Variants in AHRR observed in about 807,000 individuals in gnomAD.
AHRR encodes ahR repressor.
AHRR carries 28 observed loss-of-function variants against 44.0 expected under a neutral mutation model. The ratio of observed to expected loss-of-function variants is 0.64; its 90% CI spans 0.47 to 0.87. The LOEUF (loss-of-function observed/expected upper bound fraction) is 0.87. AHRR is among the 40% of genes least tolerant of loss of function. The pLI, the probability that AHRR is intolerant of heterozygous loss-of-function variation, is 0.00. For synonymous variants in AHRR, 434 were observed against 407.0 expected (o/e 1.07, Z -0.80); for missense variants, 990 against 953.9 (o/e 1.04, Z -0.50).
rs3840994 is a variant in AHRR at position 404,337 on chromosome 5, CTT to C, written c.352-8998_352-8997del. 3.5e-5 allele frequency: 16 copies of C among 460,288 alleles called. No homozygotes were observed. The highest frequency in any genetic ancestry group is 8.5e-5 in the South Asian group (5 of 58,752). The allele number at this position is 460,288 out of a possible 1,614,324, so 28.5% of individuals were successfully genotyped here. A position where few individuals can be genotyped will look rare whatever the true frequency, so the allele number is the denominator to read the frequency against. ...CAGTGTTACTAAAAGCTGTTTCACTCTTTTTTTTTTCTTTTTTCCTTCATTCT... is the reference window on the plus strand; with the variant it reads ...CAGTGTTACTAAAAGCTGTTTCACTCTTTTTTTTCTTTTTTCCTTCATTCT... On this transcript the variant is annotated intron_variant, in intron 4 of 10. Transcript: ENST00000684583. This position sits in a 1 kb window ranked among gnomAD's most constrained non-coding sequence, Gnocchi z 4.1.
chr5:403,207 AG>A lies in AHRR; in HGVS notation c.352-10133del, dbSNP rs1735096017. Reference sequence around the variant, plus strand: ...GCGGGTGGGACGTACCGGGCTGAGGAGGGGAGTGGGGGTGAGTGTTTAATGT... The same window carrying A: ...GCGGGTGGGACGTACCGGGCTGAGGAGGGAGTGGGGGTGAGTGTTTAATGT... On this transcript the variant is annotated intron_variant, in intron 4 of 10. Coordinates refer to ENST00000684583, the MANE Select transcript of AHRR (RefSeq NM_001377236.1). 3.3e-5 allele frequency among the ~76,000 whole-genome samples: 5 copies of A among 152,072 alleles called. No individual in the cohort carries two copies. The South Asian group carries it at 1.0e-3, about 32-fold the overall frequency.
intron 1 of AHRR, among the ~76,000 whole-genome samples, chr5:330,879 T>TG (rs1741886348): frequency 6.8e-6 from 1 of 146,846 alleles, no homozygotes; most frequent in African/African-American, 2.6e-5. Flanking sequence ...ATTTTTTTTT[T>TG]TTTTTTTTTT....
intron 1 of AHRR, among the ~76,000 whole-genome samples, chr5:339,405 G>A (rs760904057): frequency 5.9e-5 from 9 of 152,228 alleles, no homozygotes; most frequent in Non-Finnish European, 8.8e-5. Context: ...ATAGGTGTGA[G>A]CCACTTCACT....
intron 5 of AHRR, among the ~76,000 whole-genome samples, chr5:417,877 C>G (rs1053417961): frequency 1.3e-5 from 2 of 152,220 alleles, no homozygotes; most frequent in Non-Finnish European, 2.9e-5. Flanking sequence ...AAATGCTTTA[C>G]AAAAAGTCAG....
rs1735470045 is a variant in AHRR at position 411,621 on chromosome 5, A to G, written c.352-1723A>G. On this transcript the variant is annotated intron_variant, in intron 4 of 10. Coordinates refer to ENST00000684583, the MANE Select transcript of AHRR (RefSeq NM_001377236.1). This position sits in a 1 kb window ranked among gnomAD's most constrained non-coding sequence, Gnocchi z 4.2. Reference sequence around the variant, plus strand: ...ATTAGTAATCAAAGAAATGAAAACTATAATGGTAAAATAATTTATCTCTTT... The same window carrying G: ...ATTAGTAATCAAAGAAATGAAAACTGTAATGGTAAAATAATTTATCTCTTT... Among the ~76,000 whole-genome samples, 1 of 152,242 alleles carries G rather than the reference A, an allele frequency of 6.6e-6. No individual in the cohort carries two copies. The highest frequency in any genetic ancestry group is 2.1e-4 in the South Asian group (1 of 4,832).
chr5:382,939 A>T (rs1044817498), intron 4 of AHRR, among the ~76,000 whole-genome samples: 11 of 152,180 alleles, frequency 7.2e-5, no homozygotes, highest in Admixed American at 3.3e-4. Flanking sequence ...CTTTACCTGT[A>T]TTACACAAAT....
At position 422,791 on chromosome 5, in the gene AHRR, C is replaced by T. The variant is rs61755969; in HGVS notation, c.504C>T (p.Cys168=). 7.9e-3 allele frequency: 12,736 copies of T among 1,614,134 alleles called. 126 individuals are homozygous for T. The highest frequency in any genetic ancestry group is 0.042 in the African/African-American group (3,135 of 75,038). ...ACGTGGACGACCGCCAGGACTTCTG[C>T]CGGCAGCTCCACTGGGCCATGGACC... ...YIHVDDRQDF[C]RQLHWAMDPP... Residue 168 remains cysteine, a synonymous_variant, in exon 6 of 11, where the codon TGC becomes TGT. Transcript: ENST00000684583.
chr5:398,309 C>A lies in AHRR; in HGVS notation c.352-15035C>A, dbSNP rs561206439. Among the ~76,000 whole-genome samples, 5 of 152,286 alleles carry A rather than the reference C, an allele frequency of 3.3e-5. No individual in the cohort carries two copies. In the South Asian group the frequency reaches 1.0e-3, roughly 32 times the overall value. Reference sequence around the variant, plus strand: ...ACCATCCGTGTTAGCCCCTGACCTTCCGCGTTAGCCCCGACATTCCGCGTT... The same window carrying A: ...ACCATCCGTGTTAGCCCCTGACCTTACGCGTTAGCCCCGACATTCCGCGTT... On this transcript the variant is annotated intron_variant, in intron 4 of 10. Transcript: ENST00000684583.
chr5:432,569 T>A, intron 9 of AHRR, 45 bp downstream of exon 9: 3 of 1,597,920 alleles, frequency 1.9e-6, no homozygotes, highest in Non-Finnish European at 2.6e-6. Context: ...ATGGGTAAAA[T>A]GTGTTTCTGC....
At chr5:416,659 G>A (rs1028372976) in intron 5 of AHRR, among the ~76,000 whole-genome samples, 4 of 152,232 alleles carry the variant, frequency 2.6e-5, no homozygotes, top group Admixed American at 6.5e-5. Context: ...TGGAGCTGCC[G>A]TGGGATGCTT....
chr5:329,626 T>C (rs940119685), intron 1 of AHRR, among the ~76,000 whole-genome samples: 5 of 152,260 alleles, frequency 3.3e-5, no homozygotes, highest in African/African-American at 1.2e-4. Context: ...TTCTGATCTA[T>C]GAACATGGAT....
At position 371,757 on chromosome 5, in the gene AHRR, C is replaced by A. The variant is rs568145005; in HGVS notation, c.245-4853C>A. Among the ~76,000 whole-genome samples the A allele has an allele frequency of 6.6e-5, 10 of 152,362 alleles. No individual in the cohort carries two copies. In the South Asian group the frequency reaches 2.1e-3, roughly 32 times the overall value. On this transcript the variant is annotated intron_variant, in intron 3 of 10. Transcript: ENST00000684583. ...GTGAAATGCTCCCAGGAGCTGCAGA[C>A]TGCCAGACAGCTTTACTTAGGATGA... is the stretch of plus-strand genomic sequence containing the variant.
intron 2 of AHRR, among the ~76,000 whole-genome samples, chr5:344,829 CTG>C (rs1327569282): frequency 3.4e-5 from 3 of 88,464 alleles, no homozygotes; most frequent in East Asian, 6.5e-4. Context: ...GTGTGGGGGA[CTG>C]TAGGGAGCTG....
intron 3 of AHRR, among the ~76,000 whole-genome samples, chr5:364,252 C>T (rs1743278744): frequency 6.6e-6 from 1 of 152,148 alleles, no homozygotes; most frequent in Non-Finnish European, 1.5e-5. Flanking sequence ...ACATATACTT[C>T]ACGCAGAAGG....
rs748314864 is a variant in AHRR, at chr5:413,373, T to C, written c.381T>C (p.Ser127=). The change falls in exon 5 of 11, where the codon AGT becomes AGC. Residue 127 remains serine, a synonymous_variant. Coordinates refer to ENST00000684583, the MANE Select transcript of AHRR (RefSeq NM_001377236.1). ...TTAATGGCTTTGCTCTGGTCGTGAG[T>C]GCAGAAGGGACGATATTTTATGCAT... is the stretch of plus-strand genomic sequence containing the variant. ...ESLNGFALVV[S]AEGTIFYASA... is the part of the protein sequence containing the mutation. The C allele has an allele frequency of 3.1e-6, 5 of 1,613,654 alleles. No homozygotes were observed. The highest frequency in any genetic ancestry group is 2.7e-5 in the African/African-American group (2 of 74,858).
chr5:422,455 G>A (rs1025806915), intron 5 of AHRR: 96 of 471,534 alleles, frequency 2.0e-4, no homozygotes, highest in African/African-American at 1.7e-3. Flanking sequence ...CCCAGAAGAT[G>A]CCCGTCTCTT....
intron 4 of AHRR, among the ~76,000 whole-genome samples, chr5:403,027 C>T (rs901993590): frequency 1.5e-4 from 23 of 151,768 alleles, no homozygotes; most frequent in Non-Finnish European, 1.3e-4. Context: ...TACCAGGGGC[C>T]GGGGGTGTGG....
In AHRR at chr5:338,991, C is replaced by A. The variant is rs1742233405; in HGVS notation, c.-10-4902C>A. On this transcript the variant is annotated intron_variant, in intron 1 of 10. Transcript: ENST00000684583. This position sits in a 1 kb window ranked among gnomAD's most constrained non-coding sequence, Gnocchi z 4.1. ...TTTAAAAATCTGAATTCCAGTTGTTCATTGCTAGTATCTAGAAACACAATT... is the reference window on the plus strand; with the variant it reads ...TTTAAAAATCTGAATTCCAGTTGTTAATTGCTAGTATCTAGAAACACAATT... Among the ~76,000 whole-genome samples the A allele has an allele frequency of 6.6e-6, 1 of 152,088 alleles. No homozygotes were observed. The highest frequency in any genetic ancestry group is 6.5e-5 in the Admixed American group (1 of 15,278).
At chr5:360,090 G>A (rs567681076) in intron 3 of AHRR, among the ~76,000 whole-genome samples, 48 of 152,146 alleles carry the variant, frequency 3.2e-4, no homozygotes, top group Admixed American at 8.5e-4. Flanking sequence ...AGGTGGGTCC[G>A]CTTAGGAAGA....
Sources: allele counts gnomAD v4.1 joint callset (sites outside exome capture counted in the v4.1 genomes callset), GRCh38; gene constraint gnomAD v4.1.1; non-coding constraint Gnocchi (gnomAD v3.1); transcripts MANE v1.5; gene names NCBI Gene and HGNC (gene_info 2026-07-23, HGNC 2026-07-21).